SGCZ: variants seen among roughly 807,000 people sequenced by gnomAD.
The protein encoded by SGCZ is zeta-sarcoglycan.
Under a neutral mutation model 41.3 loss-of-function variants are expected in SGCZ, and 40 were observed. The ratio of observed to expected loss-of-function variants is 0.97; its 90% CI spans 0.75 to 1.26. The LOEUF (loss-of-function observed/expected upper bound fraction) is 1.26. Ranked by LOEUF, SGCZ falls within the 50% of genes most tolerant of loss-of-function variation. SGCZ has a pLI of 0.00. For synonymous variants in SGCZ, 206 were observed against 137.5 expected, an observed-to-expected ratio of 1.50 and a Z score of -3.49; for missense variants, 552 against 369.8, an observed-to-expected ratio of 1.49 and a Z score of -4.04.
intron 2 of SGCZ, among the ~76,000 whole-genome samples, chr8:14,392,738 G>A (rs1804820489): frequency 6.6e-6 from 1 of 152,074 alleles, no homozygotes; most frequent in Non-Finnish European, 1.5e-5. Flanking sequence ...AAAACTATAT[G>A]TGATTTAATA....
intron 1 of SGCZ, among the ~76,000 whole-genome samples, chr8:15,129,022 C>T (rs554410406): frequency 2.6e-5 from 4 of 152,178 alleles, no homozygotes; most frequent in Non-Finnish European, 5.9e-5. Context: ...TGAGACCTAC[C>T]AGATCTCATA....
chr8:14,868,359 A>G (rs142037288), intron 1 of SGCZ, among the ~76,000 whole-genome samples: 45 of 152,208 alleles, frequency 3.0e-4, no homozygotes, highest in African/African-American at 1.0e-3. Context: ...ATCTTTCTTT[A>G]AGCCACCAGT....
intron 2 of SGCZ, among the ~76,000 whole-genome samples, chr8:14,442,142 T>C (rs1800289186): frequency 1.3e-5 from 2 of 152,214 alleles, no homozygotes; most frequent in Admixed American, 1.3e-4. Flanking sequence ...CTCTTCCCCC[T>C]TGATATGGTT....
intron 1 of SGCZ, among the ~76,000 whole-genome samples, chr8:14,790,780 C>A (rs2130467496): frequency 6.6e-6 from 1 of 152,168 alleles, no homozygotes; most frequent in South Asian, 2.1e-4. Context: ...CCTATAATCC[C>A]AGCACTTAGG....
At chr8:14,912,444 C>A (rs1585372539) in intron 1 of SGCZ, among the ~76,000 whole-genome samples, 1 of 152,016 alleles carries the variant, frequency 6.6e-6, no homozygotes, top group Non-Finnish European at 1.5e-5. Context: ...CTTTATACTA[C>A]ATGTTGAGAA....
At chr8:14,697,689 T>C (rs949374184) in intron 1 of SGCZ, among the ~76,000 whole-genome samples, 8 of 151,990 alleles carry the variant, frequency 5.3e-5, no homozygotes, top group African/African-American at 1.7e-4. Flanking sequence ...TCATTGCCAA[T>C]TATCTTCCTC....
chr8:14,740,005 G>A (rs1585222521), intron 1 of SGCZ, among the ~76,000 whole-genome samples: 1 of 151,868 alleles, frequency 6.6e-6, no homozygotes, highest in African/African-American at 2.4e-5. Flanking sequence ...ACATCTATAG[G>A]CCTTATTACA....
chr8:15,196,971 C>A (rs1800752198), intron 1 of SGCZ, among the ~76,000 whole-genome samples: 1 of 152,166 alleles, frequency 6.6e-6, no homozygotes, highest in Non-Finnish European at 1.5e-5. Flanking sequence ...GTATTATTTA[C>A]ATGGTGGTCT....
chr8:14,259,455 A>C (rs1430472027), intron 3 of SGCZ, among the ~76,000 whole-genome samples: 3 of 150,852 alleles, frequency 2.0e-5, no homozygotes, highest in African/African-American at 4.8e-5. Flanking sequence ...TCGAACGTTT[A>C]AGTCTTTAAT....
Position 14,193,589 on chromosome 8 carries a change from T to G in SGCZ, c.425-28887A>C, listed in dbSNP as rs563067610. Among the ~76,000 whole-genome samples the G allele has an allele frequency of 4.7e-4, 72 of 152,214 alleles. 1 individual carries two copies. Among genetic ancestry groups the G allele is most frequent in the Middle Eastern group, 3.4e-3 (1 of 294 alleles). On this transcript the variant is annotated intron_variant, in intron 4 of 7. Coordinates refer to ENST00000382080, the MANE Select transcript of SGCZ (RefSeq NM_139167.4). ...GCTGCTCTCTACAATAATTTAATTT[T>G]GCACATTAAAATTGTATTCTAAATG...
intron 2 of SGCZ, among the ~76,000 whole-genome samples, chr8:14,444,999 T>A (rs1328100929): frequency 1.3e-5 from 2 of 152,110 alleles, no homozygotes; most frequent in Non-Finnish European, 2.9e-5. Flanking sequence ...TCCATTACTT[T>A]CCCCTGATGT....
At chr8:15,161,554 G>A (rs906464315) in intron 1 of SGCZ, among the ~76,000 whole-genome samples, 2 of 152,014 alleles carry the variant, frequency 1.3e-5, no homozygotes, top group Admixed American at 1.3e-4. Flanking sequence ...GTGCTTAATG[G>A]GTCTCTGTGA....
Position 14,908,745 on chromosome 8 carries a change from A to AAC in SGCZ, c.39+328839_39+328840insGT, listed in dbSNP as rs1256661239. Among the ~76,000 whole-genome samples, 26 of 117,724 alleles carry AAC rather than the reference A, an allele frequency of 2.2e-4. No individual in the cohort carries two copies. In the East Asian group the frequency reaches 5.0e-3, roughly 23 times the overall value. 77.2% of individuals were successfully genotyped at this position (117,724 alleles called of 152,430 possible). A position where few individuals can be genotyped will look rare whatever the true frequency, so the allele number is the denominator to read the frequency against. On this transcript the variant is annotated intron_variant, in intron 1 of 7. Coordinates refer to ENST00000382080, the MANE Select transcript of SGCZ (RefSeq NM_139167.4). ...AGCCTGGTGATCTGTCACCGTTGCA[A>AAC]AAAAAAAAAAAAAAAAAAGAGAGAG...
chr8:15,074,369 T>A (rs1404376979), intron 1 of SGCZ, among the ~76,000 whole-genome samples: 1 of 152,176 alleles, frequency 6.6e-6, no homozygotes, highest in Non-Finnish European at 1.5e-5. Flanking sequence ...GAGCTTTGAA[T>A]TCTGTTACAG....
intron 1 of SGCZ, among the ~76,000 whole-genome samples, chr8:15,114,726 C>G (rs1292285463): frequency 4.0e-5 from 6 of 151,434 alleles, no homozygotes. Context: ...ACTCTCAATC[C>G]TGGAATCGAG....
At chr8:15,184,690 G>C (rs1017497338) in intron 1 of SGCZ, among the ~76,000 whole-genome samples, 9 of 152,106 alleles carry the variant, frequency 5.9e-5, no homozygotes, top group African/African-American at 2.2e-4. Context: ...CTGCTTTGGT[G>C]TTCCGGAAGC....
chr8:14,862,533 AAGATATAT>A (rs1379498907), intron 1 of SGCZ, among the ~76,000 whole-genome samples: 7 of 83,672 alleles, frequency 8.4e-5, no homozygotes, highest in East Asian at 3.9e-4. Context: ...TTGCATCTTT[AAGATATAT>A]ATATATATAT....
intron 1 of SGCZ, among the ~76,000 whole-genome samples, chr8:14,882,117 A>G (rs1416892590): frequency 6.6e-6 from 1 of 152,224 alleles, no homozygotes; most frequent in Admixed American, 6.5e-5. Flanking sequence ...TCACATCAAA[A>G]AGCTAGAAAG....
At chr8:14,857,040 T>C (rs1002346609) in intron 1 of SGCZ, among the ~76,000 whole-genome samples, 1 of 152,252 alleles carries the variant, frequency 6.6e-6, no homozygotes, top group Non-Finnish European at 1.5e-5. Flanking sequence ...GGCAGAATTC[T>C]CATGAATGGT....
Sources: gnomAD v4.1 joint callset for allele counts (sites outside exome capture counted in the v4.1 genomes callset) on GRCh38, gnomAD v4.1.1 for gene constraint, MANE v1.5 for transcripts, NCBI Gene and HGNC (gene_info 2026-07-23, HGNC 2026-07-21) for gene names.